The following LGR6 variants were observed in gnomAD, a reference collection of about 807,000 sequenced individuals.
The protein encoded by LGR6 is leucine-rich repeat-containing G protein-coupled receptor 6.
Under a neutral mutation model 69.4 loss-of-function variants are expected in LGR6, and 45 were observed. The ratio of observed to expected loss-of-function variants is 0.65; its 90% CI spans 0.51 to 0.83. The LOEUF is 0.83. Among genes scored for constraint, LGR6 ranks in the 40% least tolerant of loss-of-function variants. The probability of loss-of-function intolerance (pLI) is 0.00; values close to 1 mark genes in which losing one functional copy is unlikely to be tolerated. For missense variants in LGR6, 1,108 were observed against 1,246.7 expected (o/e 0.89, Z 1.68); for synonymous variants, 538 against 555.0 (o/e 0.97, Z 0.43).
intron 5 of LGR6, among the ~76,000 whole-genome samples, chr1:202,278,540 C>T (rs746187032): frequency 6.6e-6 from 1 of 152,044 alleles, no homozygotes; most frequent in South Asian, 2.1e-4. Flanking sequence ...AGGTTAGAAA[C>T]ATTACCCCTT....
At chr1:202,194,702 G>GGCC (rs1553236890) in intron 1 of LGR6, 43 of 235,888 alleles carry the variant, frequency 1.8e-4, no homozygotes, top group Middle Eastern at 1.4e-3. Flanking sequence ...GCCTTCGTGG[G>GGCC]GGCGGGGGGG....
rs1558003450 is a variant in LGR6, at chr1:202,204,362, AC to A, written c.212+10162del. On this transcript the variant is annotated intron_variant, in intron 1 of 17. Coordinates refer to ENST00000367278, the MANE Select transcript of LGR6 (RefSeq NM_001017403.2). ...CACCTCCACACACACACACCTCCACACACACACACCTCCACACACACACCTC... is the reference window on the plus strand; with the variant it reads ...CACCTCCACACACACACACCTCCACAACACACACCTCCACACACACACCTC... 3.4e-4 allele frequency among the ~76,000 whole-genome samples: 41 copies of A among 122,178 alleles called. 1 individual carries two copies. The East Asian group carries it at 8.3e-3, about 25-fold the overall frequency. The allele number at this position is 122,178 out of a possible 152,430, so 80.2% of individuals were successfully genotyped here. A position where few individuals can be genotyped will look rare whatever the true frequency, so the allele number is the denominator to read the frequency against.
intron 17 of LGR6, among the ~76,000 whole-genome samples, chr1:202,317,583 C>T (rs554361109): frequency 6.7e-4 from 102 of 152,210 alleles, no homozygotes; most frequent in African/African-American, 2.3e-3. Context: ...TGACCTCAGA[C>T]AATCCATCCG....
chr1:202,225,657 G>A (rs1660487722), intron 2 of LGR6, among the ~76,000 whole-genome samples, 163 bp downstream of exon 2: 1 of 152,166 alleles, frequency 6.6e-6, no homozygotes, highest in Admixed American at 6.5e-5. Context: ...TGCCCCAGGT[G>A]TGAATTGACA....
At chr1:202,286,947 A>G (rs184870721) in intron 6 of LGR6, among the ~76,000 whole-genome samples, 8 of 152,138 alleles carry the variant, frequency 5.3e-5, no homozygotes, top group Admixed American at 6.5e-5. Context: ...CCTGCTGGCA[A>G]TGGGGACAAA....
At position 202,306,926 on chromosome 1, in the gene LGR6, TC is replaced by T. The variant is rs751100089; in HGVS notation, c.1198del (p.Leu400CysfsTer30). 6.2e-7 allele frequency: 1 copy of T among 1,614,030 alleles called. No homozygotes were observed. Among genetic ancestry groups the T allele is most frequent in the Non-Finnish European group, 8.5e-7 (1 of 1,179,996 alleles). On this transcript the variant is annotated frameshift_variant, in exon 13 of 18. Coordinates refer to ENST00000367278, the MANE Select transcript of LGR6 (RefSeq NM_001017403.2). LOFTEE classifies it high-confidence loss of function. Reference protein sequence around the residue: ...IGADTFSQLSSLQALDLSWNA... With the variant: ...IGADTFSQLSXLQALDLSWNA... ...AGCTGACACCTTCAGCCAGCTGAGC[TC>T]CCTGCAAGCCCTGTGAGTACCCACA...
intron 2 of LGR6, among the ~76,000 whole-genome samples, chr1:202,226,992 C>G (rs901174481): frequency 6.6e-6 from 1 of 152,156 alleles, no homozygotes; most frequent in African/African-American, 2.4e-5. Context: ...GCTGACTTTC[C>G]GTCTCCCACG....
Position 202,318,527 on chromosome 1 carries a change from T to G in LGR6, c.2224T>G (p.Phe742Val). Reference protein sequence around the residue: ...FTVALVMMNSFCFLVVAGAYI... With the variant: ...FTVALVMMNSVCFLVVAGAYI... ...CGTGGCCCTGGTGATGATGAACTCC[T>G]TCTGTTTCCTGGTCGTGGCCGGTGC... is the stretch of plus-strand genomic sequence containing the variant. Residue 742 changes from phenylalanine to valine, a missense_variant, in exon 18 of 18, where the codon TTC (phenylalanine) becomes GTC (valine). Physicochemically the swap from Phe to Val is conservative, Grantham distance 50 (BLOSUM62 -1). Transcript: ENST00000367278. The G allele has an allele frequency of 6.2e-7, 1 of 1,614,098 alleles. No individual in the cohort carries two copies. Among genetic ancestry groups the G allele is most frequent in the Admixed American group, 1.7e-5 (1 of 60,032 alleles).
At chr1:202,236,140 G>T (rs1223528179) in intron 4 of LGR6, 147 bp downstream of exon 4, 2 of 651,466 alleles carry the variant, frequency 3.1e-6, no homozygotes, top group East Asian at 2.7e-5. Context: ...TCCTGGCTTT[G>T]GTTTCTCCGG....
rs777330522 is a variant in LGR6, at chr1:202,225,478, C to T, written c.268C>T (p.Arg90Cys). ...ELQPGLFHHL[R>C]FLEELRLSGN... ...TCAGCCTGGCCTCTTCCACCACCTG[C>T]GCTTCTTGGAGGAGCTGTGAGTAGA... is the stretch of plus-strand genomic sequence containing the variant. Residue 90 changes from arginine (R) to cysteine (C), a missense_variant, in exon 2 of 18, where the codon CGC becomes TGC. Coordinates refer to ENST00000367278, the MANE Select transcript of LGR6 (RefSeq NM_001017403.2). 4.3e-6 allele frequency: 7 copies of T among 1,613,794 alleles called. No individual in the cohort carries two copies. The highest frequency in any genetic ancestry group is 4.5e-5 in the East Asian group (2 of 44,876).
chr1:202,238,152 A>T (rs1430399390), intron 4 of LGR6, among the ~76,000 whole-genome samples: 1 of 152,074 alleles, frequency 6.6e-6, no homozygotes, highest in Non-Finnish European at 1.5e-5. Flanking sequence ...GCTGGAGTGC[A>T]GTGACCTGAT....
At chr1:202,195,259 AC>A (rs1054828482) in intron 1 of LGR6, among the ~76,000 whole-genome samples, 1 of 152,194 alleles carries the variant, frequency 6.6e-6, no homozygotes, top group African/African-American at 2.4e-5. Context: ...GGGTTCCAGC[AC>A]ATGGGAGCTT....
At chr1:202,258,503 G>A (rs933393942) in intron 4 of LGR6, among the ~76,000 whole-genome samples, 2 of 150,414 alleles carry the variant, frequency 1.3e-5, no homozygotes. Context: ...TATAGTTTTT[G>A]TTTTTTTTCA....
Position 202,304,533 on chromosome 1 carries a change from C to T in LGR6, c.999-26C>T, listed in dbSNP as rs184750982. 130 of 1,579,100 alleles carry T rather than the reference C, an allele frequency of 8.2e-5. No individual in the cohort carries two copies. In the Admixed American group the frequency reaches 2.2e-3, roughly 26 times the overall value. ...AATGGCAGGGCCCTGGGCCTGGTGC[C>T]AGCTCTGTCTCTGTTCTCCCTGCAG... On this transcript the variant is annotated intron_variant, in intron 10 of 17. Coordinates refer to ENST00000367278, the MANE Select transcript of LGR6 (RefSeq NM_001017403.2).
intron 1 of LGR6, among the ~76,000 whole-genome samples, chr1:202,198,674 T>G (rs1330068188): frequency 2.0e-5 from 2 of 101,920 alleles, no homozygotes; most frequent in African/African-American, 2.8e-5. Flanking sequence ...TTAGGTTTTT[T>G]TTTTTTTTTT....
chr1:202,317,110 G>A (rs985965988), intron 17 of LGR6, among the ~76,000 whole-genome samples: 6 of 152,184 alleles, frequency 3.9e-5, no homozygotes, highest in Admixed American at 3.3e-4. Flanking sequence ...GGACTTAGTG[G>A]ATCACTGGGG....
chr1:202,213,867 T>C (rs540145783), intron 1 of LGR6, among the ~76,000 whole-genome samples: 4 of 152,232 alleles, frequency 2.6e-5, no homozygotes, highest in East Asian at 3.9e-4. Flanking sequence ...GATTACATTA[T>C]AAGGGCAGGC....
chr1:202,243,680 G>A (rs922043474), intron 4 of LGR6, among the ~76,000 whole-genome samples: 1 of 152,086 alleles, frequency 6.6e-6, no homozygotes, highest in Non-Finnish European at 1.5e-5. Flanking sequence ...CAGGAGAAGG[G>A]TCCAGCCATG....
In LGR6 at chr1:202,199,138, T is replaced by C. The variant is rs111990622; in HGVS notation, c.212+4937T>C. 3.2e-3 allele frequency among the ~76,000 whole-genome samples: 484 copies of C among 151,982 alleles called. 6 individuals carry two copies. The highest frequency in any genetic ancestry group is 0.011 in the African/African-American group (461 of 41,430). ...GAGGCAGGGAGCAATCCACTTTGAA[T>C]CTCCTGCTCCTGGTGTGGGACAGAG... On this transcript the variant is annotated intron_variant, in intron 1 of 17. Coordinates refer to ENST00000367278, the MANE Select transcript of LGR6 (RefSeq NM_001017403.2).
Sources: allele counts gnomAD v4.1 joint callset (sites outside exome capture counted in the v4.1 genomes callset), GRCh38; gene constraint gnomAD v4.1.1; transcripts MANE v1.5; gene names NCBI Gene and HGNC (gene_info 2026-07-23, HGNC 2026-07-21).